NFIB: variants seen among roughly 807,000 people sequenced by gnomAD.
NFIB encodes nuclear factor 1 B-type.
NFIB carries 11 observed loss-of-function variants against 61.5 expected under a neutral mutation model. The observed-to-expected ratio is 0.18, with a 90% confidence interval of 0.11 to 0.30. The LOEUF is 0.30. NFIB is among the 10% of genes least tolerant of loss of function. The pLI is 1.00. For missense variants in NFIB, 471 were observed against 608.9 expected, an observed-to-expected ratio of 0.77 and a Z score of 2.38; for synonymous variants, 260 against 216.5, an observed-to-expected ratio of 1.20 and a Z score of -1.76.
chr9:14,285,412 G>A lies in NFIB; in HGVS notation c.562+21577C>T, dbSNP rs563863379. 6.6e-5 allele frequency among the ~76,000 whole-genome samples: 10 copies of A among 152,268 alleles called. No individual in the cohort carries two copies. In the South Asian group the frequency reaches 1.9e-3, roughly 28 times the overall value. On this transcript the variant is annotated intron_variant, in intron 2 of 10. Transcript: ENST00000380953. Reference sequence around the variant, plus strand: ...GCTGGGATTACAGGCGTGAGCCATCGCGCCCAGTCCTATTTCAATTCTTTT... The same window carrying A: ...GCTGGGATTACAGGCGTGAGCCATCACGCCCAGTCCTATTTCAATTCTTTT...
the NFIB span, among the ~76,000 whole-genome samples, chr9:14,407,247 C>G: frequency 6.6e-6 from 1 of 152,178 alleles, no homozygotes; most frequent in South Asian, 2.1e-4. Context: ...AAATATTAAA[C>G]TTTCCTTTGC....
intron 2 of NFIB, among the ~76,000 whole-genome samples, chr9:14,294,720 T>C (rs551994495): frequency 6.6e-6 from 1 of 152,226 alleles, no homozygotes; most frequent in Admixed American, 6.5e-5. Context: ...GAAATAACTT[T>C]TCCTATTAAC....
chr9:14,124,867 G>T (rs1002779267), intron 7 of NFIB, among the ~76,000 whole-genome samples: 1 of 152,116 alleles, frequency 6.6e-6, no homozygotes, highest in African/African-American at 2.4e-5. Flanking sequence ...GTCAAAAAAA[G>T]TACCTTTTAT....
At chr9:14,511,592 G>T in the NFIB span, among the ~76,000 whole-genome samples, 2 of 152,036 alleles carry the variant, frequency 1.3e-5, no homozygotes, top group Non-Finnish European at 2.9e-5. Flanking sequence ...AAGCTAAAAG[G>T]CTAGCCTGAG....
intron 2 of NFIB, among the ~76,000 whole-genome samples, chr9:14,226,300 C>T (rs926575936): frequency 1.3e-5 from 2 of 152,056 alleles, no homozygotes; most frequent in African/African-American, 4.8e-5. Flanking sequence ...ATAATCTCAG[C>T]ACTTTGGGAG....
chr9:14,265,155 T>G (rs2057091694), intron 2 of NFIB, among the ~76,000 whole-genome samples: 1 of 152,196 alleles, frequency 6.6e-6, no homozygotes, highest in Non-Finnish European at 1.5e-5. Context: ...GAGAAAAGGT[T>G]GTATCTACCA....
At chr9:14,410,740 C>T in the NFIB span, among the ~76,000 whole-genome samples, 1 of 152,174 alleles carries the variant, frequency 6.6e-6, no homozygotes, top group African/African-American at 2.4e-5. Flanking sequence ...CACGAAACAA[C>T]TCCCACTTTC....
the NFIB span, among the ~76,000 whole-genome samples, chr9:14,498,687 G>A: frequency 5.3e-5 from 8 of 152,016 alleles, no homozygotes; most frequent in Non-Finnish European, 1.5e-5. Context: ...CTGGTTAGGG[G>A]AGAAATACTG....
rs530089911 is a variant in NFIB at position 14,113,293 on chromosome 9, T to C, written c.1385-212A>G. On this transcript the variant is annotated intron_variant, in intron 9 of 10. Coordinates refer to ENST00000380953, the MANE Select transcript of NFIB (RefSeq NM_001190737.2). ...ACTAGTTTATTCCCCCTAAAAAATC[T>C]ATCCAGTAAAGCAGATCTCATACTT... Among the ~76,000 whole-genome samples the C allele has an allele frequency of 1.0e-3, 152 of 152,310 alleles. 2 individuals are homozygous for C. The highest frequency in any genetic ancestry group is 3.5e-3 in the African/African-American group (147 of 41,574).
At position 14,294,064 on chromosome 9, in the gene NFIB, T is replaced by C. The variant is rs1339840984; in HGVS notation, c.562+12925A>G. ...GCACATGTTTTATATTATACGAATG[T>C]TGGACACGAAAAGCAGATTAATTGT... On this transcript the variant is annotated intron_variant, in intron 2 of 10. Coordinates refer to ENST00000380953, the MANE Select transcript of NFIB (RefSeq NM_001190737.2). 2.6e-5 allele frequency among the ~76,000 whole-genome samples: 4 copies of C among 152,324 alleles called. No individual in the cohort carries two copies. In the East Asian group the frequency reaches 5.8e-4, roughly 22 times the overall value.
At position 14,352,692 on chromosome 9, in the gene NFIB, G is replaced by C. The variant is rs915186755; in HGVS notation, c.109-45172C>G. 2.6e-5 allele frequency among the ~76,000 whole-genome samples: 4 copies of C among 152,216 alleles called. 1 individual carries two copies. The highest frequency in any genetic ancestry group is 5.9e-5 in the Non-Finnish European group (4 of 68,046). The stretch of plus-strand genomic sequence containing the variant: ...TCCTGAGGCAAGCCTCTAAGCTTTA[G>C]ATTTCACTGCTTATCTCTCAGCGTT... On this transcript the variant is annotated intron_variant, in intron 1 of 8. Transcript: ENST00000380934.
At chr9:14,244,164 CCA>C (rs2054638631) in intron 2 of NFIB, among the ~76,000 whole-genome samples, 1 of 152,084 alleles carries the variant, frequency 6.6e-6, no homozygotes, top group Admixed American at 6.6e-5. Flanking sequence ...GCATGCAACT[CCA>C]CATAGAAGCA....
chr9:14,320,947 G>A (rs546027554), intron 1 of NFIB, among the ~76,000 whole-genome samples: 1 of 152,106 alleles, frequency 6.6e-6, no homozygotes, highest in South Asian at 2.1e-4. Flanking sequence ...GGGGGTGGGG[G>A]AAAAATACTT....
At chr9:14,446,068 C>T in the NFIB span, among the ~76,000 whole-genome samples, 1 of 152,192 alleles carries the variant, frequency 6.6e-6, no homozygotes, top group African/African-American at 2.4e-5. Context: ...CACTCTCTTC[C>T]AGCTTTCATT....
intron 1 of NFIB, among the ~76,000 whole-genome samples, chr9:14,329,029 T>G (rs887224543): frequency 3.9e-5 from 6 of 152,216 alleles, no homozygotes; most frequent in African/African-American, 1.4e-4. Context: ...CTGCCCCCTT[T>G]AGATGGGGCT....
At chr9:14,520,469 G>A in the NFIB span, among the ~76,000 whole-genome samples, 10 of 152,198 alleles carry the variant, frequency 6.6e-5, no homozygotes, top group Non-Finnish European at 1.2e-4. Flanking sequence ...ACTTAGAGCA[G>A]CTCAGAGGAG....
intron 2 of NFIB, among the ~76,000 whole-genome samples, chr9:14,209,703 G>T (rs1449600910): frequency 6.6e-6 from 1 of 152,188 alleles, no homozygotes; most frequent in African/African-American, 2.4e-5. Flanking sequence ...CACAACCCAA[G>T]CCCAGACGCA....
At chr9:14,202,932 T>C (rs922242027) in intron 2 of NFIB, among the ~76,000 whole-genome samples, 1 of 152,218 alleles carries the variant, frequency 6.6e-6, no homozygotes, top group Non-Finnish European at 1.5e-5. Context: ...GAAAATTATT[T>C]CTTTCACTCC....
chr9:14,198,313 G>A (rs1178382245), intron 2 of NFIB, among the ~76,000 whole-genome samples: 1 of 152,022 alleles, frequency 6.6e-6, no homozygotes, highest in African/African-American at 2.4e-5. Context: ...CATTCTACGT[G>A]TCATTAAAAA....
Sources: allele counts gnomAD v4.1 joint callset (sites outside exome capture counted in the v4.1 genomes callset), GRCh38; gene constraint gnomAD v4.1.1; transcripts MANE v1.5; gene names NCBI Gene and HGNC (gene_info 2026-07-23, HGNC 2026-07-21).